The following OR8G1 variants were observed in gnomAD, a reference collection of about 807,000 sequenced individuals.
OR8G1 encodes the protein olfactory receptor family 8 subfamily G member 1.
For missense variants in OR8G1, 372 were observed against 356.2 expected (o/e 1.04, Z -0.36); for synonymous variants, 129 against 133.3 (o/e 0.97, Z 0.22).
At chr11:124,246,305 T>A (rs2137747230) in intron 1 of OR8G1, among the ~76,000 whole-genome samples, 1 of 152,116 alleles carries the variant, frequency 6.6e-6, no homozygotes, top group Non-Finnish European at 1.5e-5. Flanking sequence ...TATTTGATGC[T>A]AGCTTATTGC....
chr11:124,252,496 C>T lies in OR8G1; in HGVS notation c.*1885C>T, dbSNP rs1861874966. Reference sequence around the variant, plus strand: ...TTATGTTCTCTTTCAGAAAAACTATCTCTTTTTCTTCTTAGCTTGCATTGC... The same window carrying T: ...TTATGTTCTCTTTCAGAAAAACTATTTCTTTTTCTTCTTAGCTTGCATTGC... On this transcript the variant is annotated 3_prime_UTR_variant, in exon 3 of 3. Transcript: ENST00000641972. 1 of 152,110 alleles carries T rather than the reference C, an allele frequency of 6.6e-6. No individual in the cohort carries two copies. Among genetic ancestry groups the T allele is most frequent in the Non-Finnish European group, 1.5e-5 (1 of 68,020 alleles). The allele number at this position is 152,110 out of a possible 1,614,324, so 9.4% of individuals were successfully genotyped here.
At position 124,250,453 on chromosome 11, in the gene OR8G1, T is replaced by G; in HGVS notation, c.778T>G (p.Leu260Val). 1 of 1,613,746 alleles carries G rather than the reference T, an allele frequency of 6.2e-7. No individual in the cohort carries two copies. Among genetic ancestry groups the G allele is most frequent in the Non-Finnish European group, 8.5e-7 (1 of 1,179,782 alleles). Residue 260 changes from leucine (L) to valine (V), a missense_variant, in exon 3 of 3, where the codon TTG becomes GTG. Physicochemically the swap from Leu to Val is conservative, Grantham distance 32 (BLOSUM62 1). Coordinates refer to ENST00000641972, the MANE Select transcript of OR8G1 (RefSeq NM_001002905.2). ...TTTTGGATCTGCAGCATTCATGTAC[T>G]TGCAGCCATCTTCAATCAGCTCCAT... ...IFFGSAAFMY[L>V]QPSSISSMDQ...
At position 124,251,697 on chromosome 11, in the gene OR8G1, T is replaced by C. The variant is rs1263986270; in HGVS notation, c.*1086T>C. The C allele has an allele frequency of 2.1e-5, 4 of 191,562 alleles. 1 individual carries two copies. In the East Asian group the frequency reaches 5.8e-4, roughly 28 times the overall value. The allele number at this position is 191,562 out of a possible 1,614,324, so 11.9% of individuals were successfully genotyped here. A position where few individuals can be genotyped will look rare whatever the true frequency, so the allele number is the denominator to read the frequency against. ...AAAAATATGTTTGATGCCTGATGGG[T>C]AAACATAGCAAATCTGGTGATAGAG... On this transcript the variant is annotated 3_prime_UTR_variant, in exon 3 of 3. Coordinates refer to ENST00000641972, the MANE Select transcript of OR8G1 (RefSeq NM_001002905.2).
intron 1 of OR8G1, among the ~76,000 whole-genome samples, chr11:124,241,655 A>C (rs1861762323): frequency 6.6e-6 from 1 of 152,136 alleles, no homozygotes; most frequent in Admixed American, 6.6e-5. Flanking sequence ...TAATTACAAT[A>C]AACTGGACAA....
At chr11:124,245,985 A>T (rs1286378212) in intron 1 of OR8G1, among the ~76,000 whole-genome samples, 1 of 130,882 alleles carries the variant, frequency 7.6e-6, no homozygotes, top group Non-Finnish European at 1.6e-5. Context: ...CTCTGATGGT[A>T]GTTTCTTTTG....
In OR8G1 at chr11:124,250,807, C is replaced by A; in HGVS notation, c.*196C>A. ...TTTTAACTCATATGTATCAATGAGACACAAATTAATATAAATACTAAAATC... is the reference window on the plus strand; with the variant it reads ...TTTTAACTCATATGTATCAATGAGAAACAAATTAATATAAATACTAAAATC... On this transcript the variant is annotated 3_prime_UTR_variant, in exon 3 of 3. Transcript: ENST00000641972. 1.1e-5 allele frequency: 3 copies of A among 278,580 alleles called. No homozygotes were observed. The highest frequency in any genetic ancestry group is 6.0e-6 in the Non-Finnish European group (1 of 165,950). 17.3% of individuals were successfully genotyped at this position (278,580 alleles called of 1,614,324 possible). A position where few individuals can be genotyped will look rare whatever the true frequency, so the allele number is the denominator to read the frequency against.
chr11:124,248,640 C>G (rs574035413), intron 2 of OR8G1, among the ~76,000 whole-genome samples: 2 of 151,994 alleles, frequency 1.3e-5, no homozygotes, highest in East Asian at 3.9e-4. Context: ...TTTGCCTGAT[C>G]ATAGTTTAAC....
At position 124,250,241 on chromosome 11, in the gene OR8G1, G is replaced by T. The variant is rs1342465585; in HGVS notation, c.566G>T (p.Cys189Phe). The part of the protein sequence containing the change: ...CDLLPLLKLS[C>F]SSIYVNKLLI... ...CTTCTTCCCCTCCTAAAGCTCTCTT[G>T]CTCTAGTATCTATGTCAACAAACTA... The change falls in exon 3 of 3, where the codon TGC becomes TTC. Residue 189 changes from cysteine to phenylalanine, a missense_variant. By Grantham distance (205) the Cys-to-Phe change is radical (BLOSUM62 -2). Coordinates refer to ENST00000641972, the MANE Select transcript of OR8G1 (RefSeq NM_001002905.2). The T allele has an allele frequency of 6.2e-7, 1 of 1,613,534 alleles. No individual in the cohort carries two copies. The highest frequency in any genetic ancestry group is 2.2e-5 in the East Asian group (1 of 44,868).
chr11:124,242,826 C>T (rs1253794735), intron 1 of OR8G1, among the ~76,000 whole-genome samples: 4 of 151,966 alleles, frequency 2.6e-5, no homozygotes, highest in Non-Finnish European at 5.9e-5. Context: ...ATTTTTCTCA[C>T]TCAATTTTAG....
rs913084521 is a variant in OR8G1 at position 124,252,451 on chromosome 11, A to T, written c.*1840A>T. The T allele has an allele frequency of 2.0e-5, 3 of 152,162 alleles. No individual in the cohort carries two copies. The highest frequency in any genetic ancestry group is 2.9e-5 in the Non-Finnish European group (2 of 68,026). The allele number at this position is 152,162 out of a possible 1,614,324, so 9.4% of individuals were successfully genotyped here. A position where few individuals can be genotyped will look rare whatever the true frequency, so the allele number is the denominator to read the frequency against. On this transcript the variant is annotated 3_prime_UTR_variant, in exon 3 of 3. Coordinates refer to ENST00000641972, the MANE Select transcript of OR8G1 (RefSeq NM_001002905.2). ...AACTCATCTCTGAAACTCAATCTGCATTACTTTTCCATATCATCCTTATGT... is the reference window on the plus strand; with the variant it reads ...AACTCATCTCTGAAACTCAATCTGCTTTACTTTTCCATATCATCCTTATGT...
rs1861850518 is a variant in OR8G1 at position 124,250,034 on chromosome 11, A to G, written c.359A>G (p.Tyr120Cys). 2.5e-6 allele frequency: 4 copies of G among 1,613,842 alleles called. No homozygotes were observed. Among genetic ancestry groups the G allele is most frequent in the Non-Finnish European group, 3.4e-6 (4 of 1,179,832 alleles). Residue 120 changes from tyrosine to cysteine, a missense_variant, in exon 3 of 3, where the codon TAT becomes TGT. Physicochemically the swap from Tyr to Cys is radical, Grantham distance 194. Transcript: ENST00000641972. ...TGTCACATGTTGGCTGCAATGGCGT[A>G]TGACCGTTACATGGCCATCTGTAGC... ...AECHMLAAMA[Y>C]DRYMAICSPL...
chr11:124,253,595 T>C lies in OR8G1; in HGVS notation c.*2984T>C, dbSNP rs1861883740. 6.6e-6 allele frequency: 1 copy of C among 152,214 alleles called. No homozygotes were observed. Among genetic ancestry groups the C allele is most frequent in the South Asian group, 2.1e-4 (1 of 4,830 alleles). 9.4% of individuals were successfully genotyped at this position (152,214 alleles called of 1,614,324 possible). A position where few individuals can be genotyped will look rare whatever the true frequency, so the allele number is the denominator to read the frequency against. Reference sequence around the variant, plus strand: ...ATATTACCTAACATATTTATTTGTGTGTGTGTGGTGAGAACACTAATCCAA... The same window carrying C: ...ATATTACCTAACATATTTATTTGTGCGTGTGTGGTGAGAACACTAATCCAA... On this transcript the variant is annotated 3_prime_UTR_variant, in exon 3 of 3. Transcript: ENST00000641972.
rs2466711 is a variant in OR8G1, at chr11:124,253,119, G to T, written c.*2508G>T. On this transcript the variant is annotated 3_prime_UTR_variant, in exon 3 of 3. Coordinates refer to ENST00000641972, the MANE Select transcript of OR8G1 (RefSeq NM_001002905.2). ...AAGATAAAACAATAATTTAAAGTCC[G>T]TTAGAAAACTATTTATGTTTGCTGA... 77,778 of 152,052 alleles carry T rather than the reference G, an allele frequency of 0.51. 20,530 individuals carry two copies. The highest frequency in any genetic ancestry group is 0.7 in the South Asian group (3,376 of 4,830). 9.4% of individuals were successfully genotyped at this position (152,052 alleles called of 1,614,324 possible).
rs1452392527 is a variant in OR8G1, at chr11:124,250,118, T to G, written c.443T>G (p.Val148Gly). The G allele has an allele frequency of 6.2e-7, 1 of 1,613,676 alleles. No homozygotes were observed. Among genetic ancestry groups the G allele is most frequent in the East Asian group, 2.2e-5 (1 of 44,880 alleles). Residue 148 changes from valine (V) to glycine (G), a missense_variant, in exon 3 of 3, where the codon GTG becomes GGG. Val to Gly is a moderately radical substitution (Grantham distance 109). Coordinates refer to ENST00000641972, the MANE Select transcript of OR8G1 (RefSeq NM_001002905.2). ...GCTTGCTTTTCTCTGATTTTAGGGG[T>G]GTATATAATAGGCCTGGTTTGTGCA... ...NKACFSLILG[V>G]YIIGLVCASV...
chr11:124,250,394 C>G lies in OR8G1; in HGVS notation c.719C>G (p.Thr240Ser), dbSNP rs1245144785. ...GAGGGCAGGTCCAAAGCCTTCAGCA[C>G]TTGTAGCTCCCACATGTTGGCGGTT... ...STEGRSKAFSTCSSHMLAVVI... is the reference protein window; with the variant it reads ...STEGRSKAFSSCSSHMLAVVI... Residue 240 changes from threonine (T) to serine (S), a missense_variant, in exon 3 of 3, where the codon ACT becomes AGT. Coordinates refer to ENST00000641972, the MANE Select transcript of OR8G1 (RefSeq NM_001002905.2). 8.7e-6 allele frequency: 14 copies of G among 1,613,672 alleles called. No individual in the cohort carries two copies. The highest frequency in any genetic ancestry group is 1.1e-5 in the Non-Finnish European group (13 of 1,179,812).
At position 124,250,246 on chromosome 11, in the gene OR8G1, A is replaced by C. The variant is rs766722609; in HGVS notation, c.571A>C (p.Ser191Arg). 1.9e-6 allele frequency: 3 copies of C among 1,613,628 alleles called. No individual in the cohort carries two copies. The highest frequency in any genetic ancestry group is 3.3e-5 in the Admixed American group (2 of 59,900). Reference protein sequence around the residue: ...LLPLLKLSCSSIYVNKLLILC... With the variant: ...LLPLLKLSCSRIYVNKLLILC... ...TCCCCTCCTAAAGCTCTCTTGCTCT[A>C]GTATCTATGTCAACAAACTACTTAT... Residue 191 changes from serine (S) to arginine (R), a missense_variant, in exon 3 of 3, where the codon AGT (serine) becomes CGT (arginine). Ser to Arg is a moderately radical substitution (Grantham distance 110, BLOSUM62 -1). Transcript: ENST00000641972.
In OR8G1 at chr11:124,250,585, A is replaced by T; in HGVS notation, c.910A>T (p.Met304Leu). ...NKDVHVSLKKMLQRRTLL is the reference protein window; with the variant it reads ...NKDVHVSLKKLLQRRTLL ...AGATGTCCATGTTTCCCTGAAGAAA[A>T]TGCTACAGAGAAGAACATTATTGTA... is the stretch of plus-strand genomic sequence containing the variant. The change falls in exon 3 of 3, where the codon ATG (methionine) becomes TTG (leucine). Residue 304 changes from methionine to leucine, a missense_variant. Coordinates refer to ENST00000641972, the MANE Select transcript of OR8G1 (RefSeq NM_001002905.2). 1 of 844,508 alleles carries T rather than the reference A, an allele frequency of 1.2e-6. No homozygotes were observed. Among genetic ancestry groups the T allele is most frequent in the Non-Finnish European group, 1.7e-6 (1 of 594,318 alleles). The allele number at this position is 844,508 out of a possible 1,614,324, so 52.3% of individuals were successfully genotyped here.
At position 124,251,507 on chromosome 11, in the gene OR8G1, T is replaced by A. The variant is rs189794123; in HGVS notation, c.*896T>A. The A allele has an allele frequency of 1.9e-4, 99 of 509,256 alleles. 6 individuals are homozygous for A. The highest frequency in any genetic ancestry group is 1.7e-3 in the African/African-American group (91 of 54,236). The allele number at this position is 509,256 out of a possible 1,614,324, so 31.5% of individuals were successfully genotyped here. A position where few individuals can be genotyped will look rare whatever the true frequency, so the allele number is the denominator to read the frequency against. On this transcript the variant is annotated 3_prime_UTR_variant, in exon 3 of 3. Coordinates refer to ENST00000641972, the MANE Select transcript of OR8G1 (RefSeq NM_001002905.2). The stretch of plus-strand genomic sequence containing the variant: ...TAACTGGTAACATTCTGACCTATTC[T>A]ATGCTAAGATGTATGTGTATTTGTT...
intron 1 of OR8G1, among the ~76,000 whole-genome samples, chr11:124,246,735 A>G (rs1479019869): frequency 6.6e-6 from 1 of 151,838 alleles, no homozygotes; most frequent in African/African-American, 2.4e-5. Flanking sequence ...TTTAAGATGT[A>G]CTGAAATATT....
Sources: gnomAD v4.1 joint callset for allele counts (sites outside exome capture counted in the v4.1 genomes callset) on GRCh38, gnomAD v4.1.1 for gene constraint, MANE v1.5 for transcripts, NCBI Gene and HGNC (gene_info 2026-07-23, HGNC 2026-07-21) for gene names.